The following BBX variants were observed in gnomAD, a reference collection of about 807,000 sequenced individuals.
BBX encodes BBX high mobility group box domain containing, also known as HMG box transcription factor BBX.
In BBX, 30 loss-of-function variants were observed where a neutral mutation model predicts 100.2. The ratio of observed to expected loss-of-function variants is 0.30; its 90% CI spans 0.22 to 0.41. BBX has a LOEUF of 0.41. Ranked by LOEUF, BBX falls within the 10% of genes least tolerant of loss-of-function variation. The pLI, the probability that BBX is intolerant of heterozygous loss-of-function variation, is 1.00. For missense variants in BBX, 1,023 were observed against 1,129.8 expected, an observed-to-expected ratio of 0.91 and a Z score of 1.35; for synonymous variants, 376 against 388.1, an observed-to-expected ratio of 0.97 and a Z score of 0.37.
intron 3 of BBX, among the ~76,000 whole-genome samples, chr3:107,683,050 A>G (rs1402026953): frequency 6.6e-6 from 1 of 152,192 alleles, no homozygotes; most frequent in Non-Finnish European, 1.5e-5. Context: ...CAGTCAATGC[A>G]TATACCACTC....
intron 5 of BBX, among the ~76,000 whole-genome samples, chr3:107,727,255 A>C (rs1277383837): frequency 6.6e-6 from 1 of 152,078 alleles, no homozygotes; most frequent in Non-Finnish European, 1.5e-5. Context: ...ATAATGATGC[A>C]TGTGTCTGCT....
Position 107,805,728 on chromosome 3 carries a change from C to T in BBX, c.*271C>T, listed in dbSNP as rs1021137765. On this transcript the variant is annotated 3_prime_UTR_variant, in exon 18 of 18. Transcript: ENST00000325805. ...TTTGCTTTCTATTGAAGGCTTTTGA[C>T]GGTAATAGGTGGTAACTTGGTAAAA... is the stretch of plus-strand genomic sequence containing the variant. 1.6e-5 allele frequency: 8 copies of T among 487,662 alleles called. No individual in the cohort carries two copies. The highest frequency in any genetic ancestry group is 6.4e-5 in the East Asian group (2 of 31,346). 30.2% of individuals were successfully genotyped at this position (487,662 alleles called of 1,614,324 possible).
At chr3:107,544,852 A>G (rs2049107372) in intron 2 of BBX, among the ~76,000 whole-genome samples, 3 of 151,060 alleles carry the variant, frequency 2.0e-5, no homozygotes, top group South Asian at 2.1e-4. Context: ...AAAAAAAAAA[A>G]AAAAAAAGAA....
rs918062301 is a variant in BBX, at chr3:107,537,645, A to C, written c.-84+11247A>C. Among the ~76,000 whole-genome samples, 14 of 152,142 alleles carry C rather than the reference A, an allele frequency of 9.2e-5. 1 individual carries two copies. The stretch of plus-strand genomic sequence containing the variant: ...TTTAGTAAGCCATGGCCTGGAGAAC[A>C]CCCGTGAGCTTGGTCAGTCTTCTCT... On this transcript the variant is annotated intron_variant, in intron 2 of 17. Coordinates refer to ENST00000325805, the MANE Select transcript of BBX (RefSeq NM_001142568.3).
chr3:107,617,497 A>C (rs1284747333), intron 2 of BBX, among the ~76,000 whole-genome samples: 1 of 152,122 alleles, frequency 6.6e-6, no homozygotes, highest in Non-Finnish European at 1.5e-5. Flanking sequence ...TTAGTTTTCT[A>C]ATTCATGAAC....
intron 2 of BBX, among the ~76,000 whole-genome samples, chr3:107,533,143 T>C (rs556742670): frequency 1.3e-5 from 2 of 152,286 alleles, no homozygotes; most frequent in African/African-American, 4.8e-5. Context: ...ATCCTAGATA[T>C]AGCTAGGAAT....
intron 7 of BBX, among the ~76,000 whole-genome samples, chr3:107,734,534 A>T (rs987018512): frequency 6.6e-6 from 1 of 152,212 alleles, no homozygotes. Context: ...TGAATGTTGG[A>T]CTAATAATAT....
chr3:107,778,576 G>A, intron 13 of BBX, 57 bp downstream of exon 13: 1 of 1,575,042 alleles, frequency 6.3e-7, no homozygotes, highest in Non-Finnish European at 8.6e-7. Flanking sequence ...TGACCCTTCA[G>A]CCAAGCTTTT....
intron 10 of BBX, among the ~76,000 whole-genome samples, chr3:107,760,570 A>C (rs1345989246): frequency 1.3e-5 from 2 of 152,230 alleles, no homozygotes. Context: ...AGAAATAAAG[A>C]GTGCAAGTGA....
intron 2 of BBX, among the ~76,000 whole-genome samples, chr3:107,582,956 G>A (rs1355742946): frequency 6.6e-6 from 1 of 151,820 alleles, no homozygotes; most frequent in Admixed American, 6.6e-5. Context: ...GTTCTACAAT[G>A]CTGTTCCTTG....
chr3:107,565,703 C>T (rs988439106), intron 2 of BBX, among the ~76,000 whole-genome samples: 1 of 150,770 alleles, frequency 6.6e-6, no homozygotes, highest in African/African-American at 2.4e-5. Flanking sequence ...CTCCTGCCCT[C>T]GTGATCCACT....
At chr3:107,650,047 A>G (rs769357835) in intron 3 of BBX, among the ~76,000 whole-genome samples, 1 of 152,208 alleles carries the variant, frequency 6.6e-6, no homozygotes, top group Non-Finnish European at 1.5e-5. Flanking sequence ...TAGAGGAAAT[A>G]CTGTTTGGTT....
chr3:107,647,694 T>A (rs1250358653), intron 3 of BBX, among the ~76,000 whole-genome samples: 1 of 152,188 alleles, frequency 6.6e-6, no homozygotes, highest in Non-Finnish European at 1.5e-5. Flanking sequence ...CTGGGAAACA[T>A]ATCAGTCAAC....
intron 3 of BBX, among the ~76,000 whole-genome samples, chr3:107,656,870 C>G (rs2058175491): frequency 6.6e-6 from 1 of 152,072 alleles, no homozygotes; most frequent in Non-Finnish European, 1.5e-5. Context: ...AGACCTTAAA[C>G]CCCACTTAAG....
intron 12 of BBX, 70 bp from the exon 13 acceptor site, chr3:107,778,301 T>C: frequency 2.6e-6 from 4 of 1,561,526 alleles, no homozygotes; most frequent in Non-Finnish European, 3.5e-6. Flanking sequence ...TATCCTAAAA[T>C]ATATTTCATG....
At chr3:107,671,694 T>C (rs2059027837) in intron 3 of BBX, among the ~76,000 whole-genome samples, 1 of 152,060 alleles carries the variant, frequency 6.6e-6, no homozygotes. Context: ...AATAAAACAA[T>C]TCACACATTT....
At chr3:107,598,136 A>G (rs1364968964) in intron 2 of BBX, among the ~76,000 whole-genome samples, 1 of 152,180 alleles carries the variant, frequency 6.6e-6, no homozygotes, top group Non-Finnish European at 1.5e-5. Context: ...TTTGAAGACT[A>G]TTGTGATAGT....
chr3:107,773,460 T>C lies in BBX; in HGVS notation c.1739T>C (p.Met580Thr), dbSNP rs2107792281. Residue 580 changes from methionine (M) to threonine (T), a missense_variant, in exon 11 of 18, where the codon ATG (methionine) becomes ACG (threonine). By Grantham distance (81) the Met-to-Thr change is moderately conservative (BLOSUM62 -1). Coordinates refer to ENST00000325805, the MANE Select transcript of BBX (RefSeq NM_001142568.3). This position sits in a 1 kb window ranked among gnomAD's most constrained non-coding sequence, Gnocchi z 4.1. ...EGIKAEPLTP[M>T]EDALPPSLSG... ...ATAAAAGCAGAACCATTGACCCCTA[T>C]GGAAGATGCACTACCACCCAGCCTA... 6.2e-7 allele frequency: 1 copy of C among 1,614,084 alleles called. No individual in the cohort carries two copies.
chr3:107,535,080 T>G (rs2107326296), intron 2 of BBX, among the ~76,000 whole-genome samples: 1 of 152,366 alleles, frequency 6.6e-6, no homozygotes, highest in East Asian at 1.9e-4. Flanking sequence ...GAATAACTTG[T>G]CTGAAGTCGC....
Sources: allele counts gnomAD v4.1 joint callset (sites outside exome capture counted in the v4.1 genomes callset), GRCh38; gene constraint gnomAD v4.1.1; non-coding constraint Gnocchi (gnomAD v3.1); transcripts MANE v1.5; gene names NCBI Gene and HGNC (gene_info 2026-07-23, HGNC 2026-07-21).